Variants in LUZP2 observed in about 807,000 individuals in gnomAD.
The protein encoded by LUZP2 is leucine zipper protein 2.
Under a neutral mutation model 51.6 loss-of-function variants are expected in LUZP2, and 52 were observed. The observed-to-expected ratio is 1.01, with a 90% CI of 0.81 to 1.27. The LOEUF (loss-of-function observed/expected upper bound fraction) is 1.27, where lower values mean the gene tolerates loss of function less well. LUZP2 is among the 50% of genes most tolerant of loss of function. The pLI, the probability that LUZP2 is intolerant of heterozygous loss-of-function variation, is 0.00. For synonymous variants in LUZP2, 154 were observed against 137.3 expected (o/e 1.12, Z -0.85); for missense variants, 436 against 395.4 (o/e 1.10, Z -0.87).
At chr11:24,730,840 C>G (rs753382321) in intron 2 of LUZP2, among the ~76,000 whole-genome samples, 1 of 151,748 alleles carries the variant, frequency 6.6e-6, no homozygotes, top group African/African-American at 2.4e-5. Context: ...GAAAGGATAA[C>G]AATCCTACCA....
At chr11:24,787,585 A>G (rs1221632281) in intron 5 of LUZP2, among the ~76,000 whole-genome samples, 39 of 152,058 alleles carry the variant, frequency 2.6e-4, no homozygotes, top group Non-Finnish European at 2.9e-5. Flanking sequence ...GTTAAACTCA[A>G]TTTCTATTTC....
intron 9 of LUZP2, among the ~76,000 whole-genome samples, chr11:25,044,203 GTA>G (rs1443776653): frequency 8.0e-5 from 10 of 125,572 alleles, no homozygotes; most frequent in African/African-American, 3.1e-4. Flanking sequence ...ATGCATATAT[GTA>G]TGTGTATATA....
chr11:24,511,533 G>T (rs1173529751), intron 1 of LUZP2, among the ~76,000 whole-genome samples: 1 of 152,008 alleles, frequency 6.6e-6, no homozygotes, highest in Non-Finnish European at 1.5e-5. Flanking sequence ...ACAGAACTAG[G>T]GAATAGCACT....
In LUZP2 at chr11:25,053,566, A is replaced by G. The variant is rs142142604; in HGVS notation, c.858+3436A>G. 5.3e-3 allele frequency among the ~76,000 whole-genome samples: 784 copies of G among 148,874 alleles called. 8 individuals are homozygous for G. Among genetic ancestry groups the G allele is most frequent in the African/African-American group, 0.018 (716 of 40,382 alleles). Reference sequence around the variant, plus strand: ...CCTTTTTTTTTTTTTTTTTAATACAATGAGTCCTCATCCCCACACTAAGCC... The same window carrying G: ...CCTTTTTTTTTTTTTTTTTAATACAGTGAGTCCTCATCCCCACACTAAGCC... On this transcript the variant is annotated intron_variant, in intron 10 of 11. Coordinates refer to ENST00000336930, the MANE Select transcript of LUZP2 (RefSeq NM_001009909.4).
At chr11:25,013,900 TC>T (rs1260364731) in intron 9 of LUZP2, among the ~76,000 whole-genome samples, 1 of 151,960 alleles carries the variant, frequency 6.6e-6, no homozygotes, top group African/African-American at 2.4e-5. Flanking sequence ...CCCTCCCCTG[TC>T]CCCCCACCCC....
At chr11:24,725,030 T>C (rs934064798) in intron 1 of LUZP2, among the ~76,000 whole-genome samples, 1 of 152,208 alleles carries the variant, frequency 6.6e-6, no homozygotes, top group Admixed American at 6.5e-5. Flanking sequence ...TTGTTATCTA[T>C]TTCCCTAAAT....
At chr11:24,638,997 G>T (rs2403973) in intron 1 of LUZP2, among the ~76,000 whole-genome samples, 151,658 of 151,742 alleles carry the variant, frequency 1, 75,788 homozygotes, top group Non-Finnish European at 1. Flanking sequence ...GAGAGAAAAT[G>T]TTCAAAAACT....
intron 1 of LUZP2, among the ~76,000 whole-genome samples, chr11:24,565,608 C>T (rs1852190724): frequency 6.6e-6 from 1 of 152,146 alleles, no homozygotes; most frequent in Non-Finnish European, 1.5e-5. Flanking sequence ...TGAGTTAAAG[C>T]TGTGATTCCA....
At chr11:24,688,300 A>C (rs1241556826) in intron 1 of LUZP2, among the ~76,000 whole-genome samples, 1 of 152,172 alleles carries the variant, frequency 6.6e-6, no homozygotes, top group Non-Finnish European at 1.5e-5. Context: ...AAAAGAAACA[A>C]ATACAGAGAC....
intron 10 of LUZP2, among the ~76,000 whole-genome samples, chr11:25,060,749 A>G (rs895837975): frequency 7.2e-5 from 11 of 152,180 alleles, no homozygotes; most frequent in African/African-American, 2.4e-4. Context: ...AAAGCCATAT[A>G]ACAACATATT....
At chr11:25,018,349 T>C (rs767635929) in intron 9 of LUZP2, among the ~76,000 whole-genome samples, 1 of 152,058 alleles carries the variant, frequency 6.6e-6, no homozygotes, top group Non-Finnish European at 1.5e-5. Flanking sequence ...CCAAACTTTA[T>C]TCTTTGGAAC....
At chr11:24,986,407 A>C (rs1165752598) in intron 9 of LUZP2, among the ~76,000 whole-genome samples, 6 of 151,570 alleles carry the variant, frequency 4.0e-5, no homozygotes, top group African/African-American at 1.5e-4. Context: ...ACTACTGTAT[A>C]TCTCTTTGCA....
At chr11:25,075,360 T>C (rs1216324880) in intron 10 of LUZP2, among the ~76,000 whole-genome samples, 2 of 152,214 alleles carry the variant, frequency 1.3e-5, no homozygotes, top group African/African-American at 4.8e-5. Context: ...GTGTATAAAA[T>C]GTGCCTAAAT....
intron 7 of LUZP2, among the ~76,000 whole-genome samples, chr11:24,924,986 G>A (rs1452579332): frequency 6.6e-6 from 1 of 151,874 alleles, no homozygotes; most frequent in East Asian, 1.9e-4. Flanking sequence ...CAAACTCTTA[G>A]TTAATTCTCT....
intron 1 of LUZP2, among the ~76,000 whole-genome samples, chr11:24,627,989 A>G (rs1351695673): frequency 6.6e-6 from 1 of 152,192 alleles, no homozygotes; most frequent in East Asian, 1.9e-4. Flanking sequence ...TTAGACCCTG[A>G]AATATTTACT....
chr11:24,565,784 A>G (rs1852195072), intron 1 of LUZP2, among the ~76,000 whole-genome samples: 1 of 152,194 alleles, frequency 6.6e-6, no homozygotes, highest in Non-Finnish European at 1.5e-5. Flanking sequence ...AAAGTAAACA[A>G]AAAAGTAAAC....
intron 5 of LUZP2, among the ~76,000 whole-genome samples, chr11:24,866,347 T>C (rs1399949258): frequency 6.6e-6 from 1 of 152,096 alleles, no homozygotes; most frequent in Non-Finnish European, 1.5e-5. Context: ...AACTATCCCA[T>C]CAGGGAGGAA....
At chr11:24,826,795 A>G (rs5011479) in intron 5 of LUZP2, among the ~76,000 whole-genome samples, 112,811 of 151,740 alleles carry the variant, frequency 0.74, 42,826 homozygotes, top group Middle Eastern at 0.85. Context: ...TCTTTTCTGA[A>G]AAGTTTACCT....
intron 7 of LUZP2, among the ~76,000 whole-genome samples, chr11:24,943,533 A>G (rs1854815318): frequency 6.6e-6 from 1 of 152,124 alleles, no homozygotes; most frequent in Non-Finnish European, 1.5e-5. Flanking sequence ...ATAAGCTGCT[A>G]TTCTGGGGAA....
Sources: gnomAD v4.1 joint callset for allele counts (sites outside exome capture counted in the v4.1 genomes callset) on GRCh38, gnomAD v4.1.1 for gene constraint, MANE v1.5 for transcripts, NCBI Gene and HGNC (gene_info 2026-07-23, HGNC 2026-07-21) for gene names.